The following DAPK1 variants were observed in gnomAD, a reference collection of about 807,000 sequenced individuals.
DAPK1 encodes death-associated protein kinase 1.
Under a neutral mutation model 144.9 loss-of-function variants are expected in DAPK1, and 56 were observed. The observed-to-expected ratio is 0.39, with a 90% CI of 0.31 to 0.48. The LOEUF (loss-of-function observed/expected upper bound fraction) is 0.48, where lower values mean the gene tolerates loss of function less well. Ranked by LOEUF, DAPK1 falls within the 20% of genes least tolerant of loss-of-function variation. The pLI is 0.95. For synonymous variants in DAPK1, 690 were observed against 749.0 expected (o/e 0.92, Z 1.29); for missense variants, 1,454 against 1,875.4 (o/e 0.78, Z 4.15).
At chr9:87,638,184 T>A (rs1446816751) in intron 4 of DAPK1, 103 bp downstream of exon 4, 2 of 1,252,520 alleles carry the variant, frequency 1.6e-6, no homozygotes, top group African/African-American at 3.0e-5. Context: ...TACATGATTT[T>A]CCTGTACCAG....
At chr9:87,582,557 C>CT (rs10659497) in intron 2 of DAPK1, among the ~76,000 whole-genome samples, 8,491 of 139,424 alleles carry the variant, frequency 0.061, 693 homozygotes, top group African/African-American at 0.16. Flanking sequence ...AATTTTCCTG[C>CT]TTTTTTTTTT....
chr9:87,697,242 G>A, intron 22 of DAPK1, 38 bp downstream of exon 22: 1 of 972,974 alleles, frequency 1.0e-6, no homozygotes, highest in Non-Finnish European at 1.7e-6. Context: ...TGTCCTACCT[G>A]TGGTTGGCCA....
intron 2 of DAPK1, among the ~76,000 whole-genome samples, chr9:87,594,408 T>G (rs1828244569): frequency 6.6e-6 from 1 of 152,210 alleles, no homozygotes; most frequent in Admixed American, 6.5e-5. Context: ...CACCGCCCAC[T>G]GGGCACTTGC....
At chr9:87,606,549 TCTCCCTCTCTCC>T (rs1245987433) in intron 3 of DAPK1, among the ~76,000 whole-genome samples, 1 of 41,440 alleles carries the variant, frequency 2.4e-5, no homozygotes, top group Non-Finnish European at 4.2e-5. Flanking sequence ...TCCCTCCCTC[TCTCCCTCTCTCC>T]CTCCCTCCGT....
chr9:87,664,165 A>G (rs533423333), intron 18 of DAPK1, among the ~76,000 whole-genome samples: 1 of 151,904 alleles, frequency 6.6e-6, no homozygotes, highest in South Asian at 2.1e-4. Flanking sequence ...TGCCTTCAGG[A>G]TGTGAACTCT....
intron 2 of DAPK1, chr9:87,525,352 T>C: frequency 6.2e-7 from 1 of 1,611,316 alleles, no homozygotes; most frequent in East Asian, 2.2e-5. Flanking sequence ...TCGGCCAGGG[T>C]TCTCGCTCTT....
rs1362752633 is a variant in DAPK1 at position 87,707,813 on chromosome 9, A to G, written c.*449A>G. 2.2e-6 allele frequency: 1 copy of G among 456,324 alleles called. No individual in the cohort carries two copies. The highest frequency in any genetic ancestry group is 4.4e-6 in the Non-Finnish European group (1 of 227,292). The allele number at this position is 456,324 out of a possible 1,614,324, so 28.3% of individuals were successfully genotyped here. ...CTTTTCTTTGTTATACCATTTCCTC[A>G]GCTTATCTCTTTTATATTTGTAGGA... On this transcript the variant is annotated 3_prime_UTR_variant, in exon 26 of 26. Coordinates refer to ENST00000408954, the MANE Select transcript of DAPK1 (RefSeq NM_004938.4). The surrounding 1 kb of genome is among the most constrained non-coding windows in gnomAD (Gnocchi z 4.0).
rs1220890671 is a variant in DAPK1, at chr9:87,605,004, A to G, written c.113A>G (p.Gln38Arg). 1.2e-6 allele frequency: 2 copies of G among 1,614,156 alleles called. No homozygotes were observed. The highest frequency in any genetic ancestry group is 3.3e-5 in the Admixed American group (2 of 60,020). Residue 38 changes from glutamine to arginine, a missense_variant, in exon 3 of 26, where the codon CAG becomes CGG. Gln to Arg is a conservative substitution (Grantham distance 43). Around this residue, in one of 2 missense-constraint regions of DAPK1, gnomAD observed 429 missense variants for 637.5 expected, o/e 0.67. Transcript: ENST00000408954. ...TGCCGTGAGAAAAGCACCGGCCTCCAGTATGCCGCCAAATTCATCAAGAAA... is the reference window on the plus strand; with the variant it reads ...TGCCGTGAGAAAAGCACCGGCCTCCGGTATGCCGCCAAATTCATCAAGAAA... ...KKCREKSTGL[Q>R]YAAKFIKKRR... is the part of the protein sequence containing the mutation.
At chr9:87,500,417 G>C (rs1824348091) in intron 2 of DAPK1, among the ~76,000 whole-genome samples, 4 of 152,080 alleles carry the variant, frequency 2.6e-5, no homozygotes, top group African/African-American at 9.7e-5. Flanking sequence ...GGTTTAACTG[G>C]AATTAAATAA....
At chr9:87,509,383 T>C (rs2118089934) in intron 2 of DAPK1, among the ~76,000 whole-genome samples, 1 of 152,200 alleles carries the variant, frequency 6.6e-6, no homozygotes, top group East Asian at 1.9e-4. Flanking sequence ...TTTTTTGAAA[T>C]GGAGTTTTCC....
At chr9:87,669,556 TA>T (rs937389623) in intron 19 of DAPK1, among the ~76,000 whole-genome samples, 12 of 152,182 alleles carry the variant, frequency 7.9e-5, no homozygotes, top group African/African-American at 2.7e-4. Flanking sequence ...ATCATTTTTT[TA>T]AAAACCACAA....
chr9:87,588,434 C>T (rs539107682), intron 2 of DAPK1, among the ~76,000 whole-genome samples: 6 of 152,278 alleles, frequency 3.9e-5, no homozygotes, highest in African/African-American at 1.2e-4. Flanking sequence ...CTTTTTATCT[C>T]TTTTGAGTGC....
At chr9:87,675,672 G>A (rs1824341095) in intron 19 of DAPK1, among the ~76,000 whole-genome samples, 1 of 152,052 alleles carries the variant, frequency 6.6e-6, no homozygotes, top group African/African-American at 2.4e-5. Context: ...GGGGAGCAGA[G>A]GGACCTGATA....
At chr9:87,543,933 A>G (rs1211920437) in intron 2 of DAPK1, among the ~76,000 whole-genome samples, 1 of 152,204 alleles carries the variant, frequency 6.6e-6, no homozygotes, top group Non-Finnish European at 1.5e-5. Flanking sequence ...TGTCATATTT[A>G]AAAACAAACA....
At chr9:87,578,900 T>A (rs921796375) in intron 2 of DAPK1, among the ~76,000 whole-genome samples, 2 of 152,254 alleles carry the variant, frequency 1.3e-5, no homozygotes, top group Non-Finnish European at 2.9e-5. Flanking sequence ...TCAGCTCTGC[T>A]CTTGCTGCTC....
intron 18 of DAPK1, among the ~76,000 whole-genome samples, chr9:87,658,677 AC>A (rs1206060252): frequency 1.3e-5 from 2 of 152,108 alleles, no homozygotes; most frequent in Non-Finnish European, 2.9e-5. Flanking sequence ...CAGACCTAGC[AC>A]CTCCCTGCTG....
At chr9:87,657,881 A>G in intron 17 of DAPK1, 148 bp from the exon 18 acceptor site, 1 of 673,418 alleles carries the variant, frequency 1.5e-6, no homozygotes, top group Non-Finnish European at 2.7e-6. Flanking sequence ...GGCCTGCCCC[A>G]GTGGAGAGCA....
intron 2 of DAPK1, among the ~76,000 whole-genome samples, chr9:87,569,927 A>T (rs1268208452): frequency 6.6e-6 from 1 of 152,224 alleles, no homozygotes; most frequent in African/African-American, 2.4e-5. Context: ...AAATCACCAT[A>T]AACTACTACT....
chr9:87,609,803 A>G (rs892436193), intron 3 of DAPK1, among the ~76,000 whole-genome samples: 5 of 152,112 alleles, frequency 3.3e-5, no homozygotes, highest in South Asian at 2.1e-4. Context: ...TTCCGTGTGG[A>G]TATAGTTTTT....
Sources: allele counts gnomAD v4.1 joint callset (sites outside exome capture counted in the v4.1 genomes callset), GRCh38; gene constraint gnomAD v4.1.1; regional missense constraint gnomAD v4.1.1; non-coding constraint Gnocchi (gnomAD v3.1); transcripts MANE v1.5; gene names NCBI Gene and HGNC (gene_info 2026-07-23, HGNC 2026-07-21).